The following GABRB3 variants were observed in gnomAD, a reference collection of about 807,000 sequenced individuals.
GABRB3 encodes gamma-aminobutyric acid type A receptor subunit beta3.
A neutral mutation model predicts 52.1 loss-of-function variants in GABRB3; 14 were observed. That is an observed-to-expected ratio of 0.27 (90% CI 0.18 to 0.42). The LOEUF (loss-of-function observed/expected upper bound fraction) is 0.42, where lower values mean the gene tolerates loss of function less well. Ranked by LOEUF, GABRB3 falls within the 10% of genes least tolerant of loss-of-function variation. The pLI, the probability that GABRB3 is intolerant of heterozygous loss-of-function variation, is 1.00. For missense variants in GABRB3, 307 were observed against 609.1 expected (o/e 0.50, Z 5.22); for synonymous variants, 260 against 232.3 (o/e 1.12, Z -1.08).
rs539012733 is a variant in GABRB3, at chr15:26,580,476, G to T, written c.545-20C>A. The T allele has an allele frequency of 6.2e-7, 1 of 1,614,100 alleles. No homozygotes were observed. Among genetic ancestry groups the T allele is most frequent in the South Asian group, 1.1e-5 (1 of 91,080 alleles). ...AGCCATCTGCCAAGAGAGAAGCAGGGAGACAGCAAACATCACCATTTCGTA... is the reference window on the plus strand; with the variant it reads ...AGCCATCTGCCAAGAGAGAAGCAGGTAGACAGCAAACATCACCATTTCGTA... On this transcript the variant is annotated intron_variant, in intron 5 of 8. Coordinates refer to ENST00000311550, the MANE Select transcript of GABRB3 (RefSeq NM_000814.6).
At position 26,545,265 on chromosome 15, in the gene GABRB3, T is replaced by C. The variant is rs539168906; in HGVS notation, c.*2528A>G. On this transcript the variant is annotated 3_prime_UTR_variant, in exon 9 of 9. Transcript: ENST00000311550. ...TAGTATAGCTAATATGTTAACTTCA[T>C]CGCAGTGTCTACAAAGTTGTGGATC... is the stretch of plus-strand genomic sequence containing the variant. 5.6e-4 allele frequency: 85 copies of C among 152,588 alleles called. No individual in the cohort carries two copies. The highest frequency in any genetic ancestry group is 3.9e-4 in the East Asian group (2 of 5,174). 9.5% of individuals were successfully genotyped at this position (152,588 alleles called of 1,614,324 possible).
intron 3 of GABRB3, among the ~76,000 whole-genome samples, chr15:26,715,143 TGTGA>T (rs1306054374): frequency 6.6e-6 from 1 of 152,118 alleles, no homozygotes; most frequent in African/African-American, 2.4e-5. Context: ...AGGAGGCAGG[TGTGA>T]GCAAGGAGAG....
chr15:26,555,638 T>C (rs1274472992), intron 8 of GABRB3, among the ~76,000 whole-genome samples: 1 of 152,208 alleles, frequency 6.6e-6, no homozygotes, highest in Admixed American at 6.5e-5. Flanking sequence ...GACTAACTGG[T>C]AGCTGTCTTA....
chr15:26,670,395 G>C (rs988158375), intron 3 of GABRB3, among the ~76,000 whole-genome samples: 2 of 152,170 alleles, frequency 1.3e-5, no homozygotes, highest in African/African-American at 4.8e-5. Context: ...GCAGGTGCAG[G>C]TCTGACGACA....
At position 26,574,825 on chromosome 15, in the gene GABRB3, A is replaced by C. The variant is rs555326799; in HGVS notation, c.682+5494T>G. On this transcript the variant is annotated intron_variant, in intron 6 of 8. Coordinates refer to ENST00000311550, the MANE Select transcript of GABRB3 (RefSeq NM_000814.6). Reference sequence around the variant, plus strand: ...AATTGATTTTGGTCATGGTTGGACAACTCTGCAAATATACTAAACACCACT... The same window carrying C: ...AATTGATTTTGGTCATGGTTGGACACCTCTGCAAATATACTAAACACCACT... Among the ~76,000 whole-genome samples the C allele has an allele frequency of 2.0e-5, 3 of 152,278 alleles. No homozygotes were observed. In the South Asian group the frequency reaches 6.2e-4, roughly 32 times the overall value.
intron 7 of GABRB3, 146 bp from the exon 8 acceptor site, chr15:26,561,322 A>G (rs1889977215): frequency 7.0e-6 from 8 of 1,146,126 alleles, no homozygotes; most frequent in Non-Finnish European, 1.0e-5. Flanking sequence ...GCAACAGAGC[A>G]TACATCTTGT....
chr15:26,695,449 T>C (rs937150080), intron 3 of GABRB3, among the ~76,000 whole-genome samples: 1 of 152,192 alleles, frequency 6.6e-6, no homozygotes, highest in African/African-American at 2.4e-5. Context: ...CATAGTTCAA[T>C]TGTTGAAAGA....
chr15:26,547,896 G>T lies in GABRB3; in HGVS notation c.1319C>A (p.Pro440His). 2 of 1,614,144 alleles carry T rather than the reference G, an allele frequency of 1.2e-6. No homozygotes were observed. Among genetic ancestry groups the T allele is most frequent in the Non-Finnish European group, 1.7e-6 (2 of 1,180,010 alleles). Reference sequence around the variant, plus strand: ...TATGGCATTCACATCGGTTAGATCAGGTATTTTAATTTTGAGCTGTGAAGA... The same window carrying T: ...TATGGCATTCACATCGGTTAGATCATGTATTTTAATTTTGAGCTGTGAAGA... The part of the protein sequence containing the change: ...RRSSQLKIKI[P>H]DLTDVNAIDR... The change falls in exon 9 of 9, where the codon CCT (proline) becomes CAT (histidine). Residue 440 changes from proline (P) to histidine (H), a missense_variant. Coordinates refer to ENST00000311550, the MANE Select transcript of GABRB3 (RefSeq NM_000814.6).
At chr15:26,689,235 TCTA>T (rs1888502743) in intron 3 of GABRB3, among the ~76,000 whole-genome samples, 1 of 152,170 alleles carries the variant, frequency 6.6e-6, no homozygotes, top group South Asian at 2.1e-4. Context: ...CTCAGATGCT[TCTA>T]CACACACCAC....
chr15:26,606,771 T>TCG (rs1566770494), intron 4 of GABRB3, among the ~76,000 whole-genome samples: 4,243 of 53,028 alleles, frequency 0.08, 456 homozygotes, highest in Middle Eastern at 0.19. Flanking sequence ...TGTCTATCTA[T>TCG]AGATAGATAG....
intron 3 of GABRB3, among the ~76,000 whole-genome samples, chr15:26,759,842 G>A (rs1209373521): frequency 3.3e-5 from 5 of 152,132 alleles, no homozygotes; most frequent in Admixed American, 2.0e-4. Flanking sequence ...AAAAACTAAG[G>A]TACTTCTCTA....
chr15:26,692,080 A>T (rs1209423432), intron 3 of GABRB3, among the ~76,000 whole-genome samples: 1 of 152,214 alleles, frequency 6.6e-6, no homozygotes, highest in Admixed American at 6.5e-5. Flanking sequence ...AAAAATTAGA[A>T]TTGAAAATAA....
intron 3 of GABRB3, among the ~76,000 whole-genome samples, chr15:26,697,641 G>A (rs1407395857): frequency 5.3e-5 from 8 of 152,082 alleles, no homozygotes. Context: ...TCATCCCACG[G>A]CTTCAGAGAG....
At chr15:26,752,460 T>A (rs1026450384) in intron 3 of GABRB3, among the ~76,000 whole-genome samples, 2 of 151,962 alleles carry the variant, frequency 1.3e-5, no homozygotes, top group African/African-American at 4.8e-5. Flanking sequence ...AGATGGGGTT[T>A]CACCGTGTTA....
chr15:26,711,268 T>G (rs1850349954), intron 3 of GABRB3, among the ~76,000 whole-genome samples: 1 of 152,194 alleles, frequency 6.6e-6, no homozygotes, highest in South Asian at 2.1e-4. Flanking sequence ...TCTATGAGGA[T>G]GTCGGCTGGT....
At chr15:26,587,428 AAG>A (rs964282630) in intron 4 of GABRB3, among the ~76,000 whole-genome samples, 1 of 152,162 alleles carries the variant, frequency 6.6e-6, no homozygotes. Context: ...AAAAGGCAAA[AAG>A]AGAGAGAGTA....
intron 3 of GABRB3, among the ~76,000 whole-genome samples, chr15:26,767,798 T>G (rs1292736543): frequency 6.6e-6 from 1 of 152,188 alleles, no homozygotes; most frequent in African/African-American, 2.4e-5. Flanking sequence ...AAGCTGCATT[T>G]TCCAAACCTC....
At chr15:26,565,168 T>TTGA (rs75317901) in intron 7 of GABRB3, among the ~76,000 whole-genome samples, 59,889 of 151,000 alleles carry the variant, frequency 0.4, 12,571 homozygotes, top group Non-Finnish European at 0.48. Context: ...GTCTGTTGTA[T>TTGA]TGATGATGAT....
At position 26,716,936 on chromosome 15, in the gene GABRB3, A is replaced by G. The variant is rs1308195948; in HGVS notation, c.240+55466T>C. Among the ~76,000 whole-genome samples, 45 of 137,762 alleles carry G rather than the reference A, an allele frequency of 3.3e-4. 6 individuals carry two copies. The highest frequency in any genetic ancestry group is 6.0e-4 in the Non-Finnish European group (38 of 63,522). 90.4% of individuals were successfully genotyped at this position (137,762 alleles called of 152,430 possible). On this transcript the variant is annotated intron_variant, in intron 3 of 8. Coordinates refer to ENST00000311550, the MANE Select transcript of GABRB3 (RefSeq NM_000814.6). ...GCCTAGCTCTGGGGACCTCCACCCAACCACAGCCCAGCTCTGAGGACCTCC... is the reference window on the plus strand; with the variant it reads ...GCCTAGCTCTGGGGACCTCCACCCAGCCACAGCCCAGCTCTGAGGACCTCC...
Sources: allele counts gnomAD v4.1 joint callset (sites outside exome capture counted in the v4.1 genomes callset), GRCh38; gene constraint gnomAD v4.1.1; transcripts MANE v1.5; gene names NCBI Gene and HGNC (gene_info 2026-07-23, HGNC 2026-07-21).